POU6F2: variants seen among roughly 807,000 people sequenced by gnomAD.
POU6F2 encodes POU domain, class 6, transcription factor 2.
POU6F2 carries 31 observed loss-of-function variants against 71.3 expected under a neutral mutation model. The ratio of observed to expected loss-of-function variants is 0.43; its 90% CI spans 0.33 to 0.59. The LOEUF is 0.59. Ranked by LOEUF, POU6F2 falls within the 20% of genes least tolerant of loss-of-function variation. The pLI is 0.04. For missense variants in POU6F2, 783 were observed against 856.8 expected (o/e 0.91, Z 1.07); for synonymous variants, 347 against 355.7 (o/e 0.98, Z 0.27).
chr7:39,384,120 G>A (rs1045006793), intron 5 of POU6F2, among the ~76,000 whole-genome samples: 1 of 152,192 alleles, frequency 6.6e-6, no homozygotes, highest in African/African-American at 2.4e-5. Context: ...CCCAGTTAGA[G>A]GTCAAGGAGG....
chr7:39,279,782 T>C (rs1784526826), intron 4 of POU6F2, among the ~76,000 whole-genome samples: 1 of 152,182 alleles, frequency 6.6e-6, no homozygotes, highest in African/African-American at 2.4e-5. Context: ...AGTTTCACTC[T>C]GTTGCCTGGG....
intron 5 of POU6F2, among the ~76,000 whole-genome samples, chr7:39,354,580 C>T (rs1051343497): frequency 1.3e-5 from 2 of 152,064 alleles, no homozygotes; most frequent in African/African-American, 2.4e-5. Flanking sequence ...TTGATGTGGA[C>T]GGCGTATAGT....
At chr7:39,049,381 T>G (rs1164279138) in intron 1 of POU6F2, among the ~76,000 whole-genome samples, 1 of 152,034 alleles carries the variant, frequency 6.6e-6, no homozygotes, top group Non-Finnish European at 1.5e-5. Context: ...TTTTTTGTTT[T>G]TAATTCAGCT....
At chr7:39,408,108 A>G (rs1187629825) in intron 6 of POU6F2, among the ~76,000 whole-genome samples, 1 of 152,308 alleles carries the variant, frequency 6.6e-6, no homozygotes, top group East Asian at 1.9e-4. Flanking sequence ...GTGTAGAGGA[A>G]AAGTTGGTTT....
chr7:39,467,178 T>A lies in POU6F2; in HGVS notation c.*2492T>A, dbSNP rs1012960038. 7.2e-5 allele frequency: 11 copies of A among 152,232 alleles called. No individual in the cohort carries two copies. The highest frequency in any genetic ancestry group is 2.2e-4 in the African/African-American group (9 of 41,460). The allele number at this position is 152,232 out of a possible 1,614,324, so 9.4% of individuals were successfully genotyped here. On this transcript the variant is annotated 3_prime_UTR_variant, in exon 10 of 10. Coordinates refer to ENST00000518318, the MANE Select transcript of POU6F2 (RefSeq NM_001370959.1). ...CACCATTCATGTGCAGTGATTTTTT[T>A]ATAGTTTTATAATTTTGTATTGTTT... is the stretch of plus-strand genomic sequence containing the variant.
intron 2 of POU6F2, among the ~76,000 whole-genome samples, chr7:39,096,421 A>G (rs1791455282): frequency 6.6e-6 from 1 of 152,176 alleles, no homozygotes; most frequent in Non-Finnish European, 1.5e-5. Flanking sequence ...TTCAAGCACA[A>G]TTCAAGATTA....
At chr7:39,002,364 T>C (rs1198375279) in intron 1 of POU6F2, among the ~76,000 whole-genome samples, 1 of 152,204 alleles carries the variant, frequency 6.6e-6, no homozygotes, top group African/African-American at 2.4e-5. Context: ...GTTGTTGTTT[T>C]CGAGACAGGG....
At position 39,362,281 on chromosome 7, in the gene POU6F2, G is replaced by GAAAAA. The variant is rs56922701; in HGVS notation, c.972+22278_972+22282dup. ...TCCTCTTGAAAGCTATCAATGGCCA[G>GAAAAA]AAAAAAAAAAAAAAAAGTGGGGAGG... is the stretch of plus-strand genomic sequence containing the variant. On this transcript the variant is annotated intron_variant, in intron 5 of 9. Transcript: ENST00000518318. Among the ~76,000 whole-genome samples, 6 of 130,934 alleles carry GAAAAA rather than the reference G, an allele frequency of 4.6e-5. No homozygotes were observed. The East Asian group carries it at 1.4e-3, about 31-fold the overall frequency. The allele number at this position is 130,934 out of a possible 152,430, so 85.9% of individuals were successfully genotyped here.
chr7:39,364,278 T>A (rs574776871), intron 5 of POU6F2, among the ~76,000 whole-genome samples: 1 of 152,144 alleles, frequency 6.6e-6, no homozygotes, highest in African/African-American at 2.4e-5. Context: ...TTTTTTTTAT[T>A]TCCATAGGTT....
chr7:39,363,107 A>G lies in POU6F2; in HGVS notation c.972+23092A>G, dbSNP rs141909578. Among the ~76,000 whole-genome samples, 990 of 152,334 alleles carry G rather than the reference A, an allele frequency of 6.5e-3. 2 individuals carry two copies. Among genetic ancestry groups the G allele is most frequent in the Middle Eastern group, 0.014 (4 of 294 alleles). On this transcript the variant is annotated intron_variant, in intron 5 of 9. Coordinates refer to ENST00000518318, the MANE Select transcript of POU6F2 (RefSeq NM_001370959.1). ...AGTCAGGAGCGAACACAGGAAGTCC[A>G]ATTAAGAGACTACTGCAGCAATCCA...
intron 5 of POU6F2, among the ~76,000 whole-genome samples, chr7:39,364,082 A>G (rs1275088949): frequency 6.6e-6 from 1 of 152,152 alleles, no homozygotes; most frequent in Non-Finnish European, 1.5e-5. Context: ...TGATGAAACA[A>G]ATCAGGGATG....
intron 4 of POU6F2, among the ~76,000 whole-genome samples, chr7:39,306,006 T>TTA (rs1554340636): frequency 1.3e-5 from 2 of 150,442 alleles, no homozygotes; most frequent in Non-Finnish European, 3.0e-5. Flanking sequence ...TCTTTCCCTT[T>TTA]AAAAAAAAAA....
intron 5 of POU6F2, among the ~76,000 whole-genome samples, chr7:39,385,408 G>C (rs1309443204): frequency 6.6e-6 from 1 of 152,226 alleles, no homozygotes; most frequent in Non-Finnish European, 1.5e-5. Context: ...CTGCTCCTGA[G>C]TTGCACACGG....
rs1049260750 is a variant in POU6F2, at chr7:39,125,187, C to T, written c.277+39156C>T. Reference sequence around the variant, plus strand: ...TACGACACTGTTTGGCCTGAGATCACGGACTAGCCTGGTACTTCTCTTGAA... The same window carrying T: ...TACGACACTGTTTGGCCTGAGATCATGGACTAGCCTGGTACTTCTCTTGAA... On this transcript the variant is annotated intron_variant, in intron 2 of 9. Coordinates refer to ENST00000518318, the MANE Select transcript of POU6F2 (RefSeq NM_001370959.1). 3.9e-5 allele frequency among the ~76,000 whole-genome samples: 6 copies of T among 152,208 alleles called. No homozygotes were observed. The South Asian group carries it at 6.2e-4, about 16-fold the overall frequency.
intron 2 of POU6F2, among the ~76,000 whole-genome samples, chr7:39,145,449 T>C (rs1275082912): frequency 6.6e-6 from 1 of 152,218 alleles, no homozygotes; most frequent in Non-Finnish European, 1.5e-5. Context: ...AAGTAACTCC[T>C]TGGCACATTT....
At chr7:39,170,401 A>T (rs1388780307) in intron 2 of POU6F2, among the ~76,000 whole-genome samples, 1 of 152,186 alleles carries the variant, frequency 6.6e-6, no homozygotes, top group Non-Finnish European at 1.5e-5. Flanking sequence ...ATTTTATTAA[A>T]ACCATCAGGT....
intron 4 of POU6F2, among the ~76,000 whole-genome samples, chr7:39,250,426 C>G (rs1050978735): frequency 9.9e-5 from 15 of 152,128 alleles, no homozygotes; most frequent in Admixed American, 3.3e-4. Context: ...GATGAGAAAG[C>G]CTTATCTAAA....
At chr7:38,984,637 C>T (rs745397498) in intron 1 of POU6F2, among the ~76,000 whole-genome samples, 2 of 152,092 alleles carry the variant, frequency 1.3e-5, no homozygotes, top group African/African-American at 2.4e-5. Context: ...GTGCTGTACA[C>T]AAATTTCAAT....
At chr7:39,419,029 GTATA>G (rs1377173092) in intron 6 of POU6F2, among the ~76,000 whole-genome samples, 10 of 142,470 alleles carry the variant, frequency 7.0e-5, no homozygotes, top group Non-Finnish European at 7.6e-5. Context: ...ATATATGTGT[GTATA>G]TATACATATA....
Sources: gnomAD v4.1 joint callset for allele counts (sites outside exome capture counted in the v4.1 genomes callset) on GRCh38, gnomAD v4.1.1 for gene constraint, MANE v1.5 for transcripts, NCBI Gene and HGNC (gene_info 2026-07-23, HGNC 2026-07-21) for gene names.